Variants in AKAP12 observed in about 807,000 individuals in gnomAD.
AKAP12 encodes A-kinase anchor protein 12.
Under a neutral mutation model 79.9 loss-of-function variants are expected in AKAP12, and 32 were observed. That is an observed-to-expected ratio of 0.40 (90% confidence interval 0.30 to 0.54). AKAP12 has a LOEUF of 0.54. Among genes scored for constraint, AKAP12 ranks in the 20% least tolerant of loss-of-function variants. The pLI, the probability that AKAP12 is intolerant of heterozygous loss-of-function variation, is 0.48. For synonymous variants in AKAP12, 808 were observed against 857.0 expected (o/e 0.94, Z 1.00); for missense variants, 2,074 against 2,177.0 (o/e 0.95, Z 0.94).
chr6:151,349,014 G>T lies in AKAP12; in HGVS notation c.623G>T (p.Gly208Val). ...ACTGTGAAGAAAGATGAAGGGGAGGGAGCAGCAGGGGCTGGCGACCACAAG... is the reference window on the plus strand; with the variant it reads ...ACTGTGAAGAAAGATGAAGGGGAGGTAGCAGCAGGGGCTGGCGACCACAAG... ...LLTVKKDEGE[G>V]AAGAGDHKDP... The change falls in exon 4 of 5, where the codon GGA becomes GTA. Residue 208 changes from glycine to valine, a missense_variant. Gly to Val is a moderately radical substitution (Grantham distance 109). Coordinates refer to ENST00000402676, the MANE Select transcript of AKAP12 (RefSeq NM_005100.4). The T allele has an allele frequency of 6.2e-7, 1 of 1,607,226 alleles. No individual in the cohort carries two copies.
intron 3 of AKAP12, among the ~76,000 whole-genome samples, chr6:151,346,608 T>C (rs1778109568): frequency 6.6e-6 from 1 of 152,228 alleles, no homozygotes; most frequent in African/African-American, 2.4e-5. Flanking sequence ...CGCGATGGCA[T>C]CTGTCCCATT....
intron 4 of AKAP12, among the ~76,000 whole-genome samples, chr6:151,354,298 G>A (rs1023648264): frequency 4.2e-5 from 6 of 143,744 alleles, no homozygotes; most frequent in African/African-American, 1.7e-4. Flanking sequence ...ATTTTCCAGC[G>A]CATATAATGA....
chr6:151,276,344 T>C (rs1247582185), intron 2 of AKAP12, among the ~76,000 whole-genome samples: 5 of 152,242 alleles, frequency 3.3e-5, no homozygotes, highest in African/African-American at 9.6e-5. Context: ...GAGCCAGGAA[T>C]GAGTGGCAAA....
intron 3 of AKAP12, chr6:151,325,426 G>C: frequency 3.0e-6 from 3 of 985,434 alleles, no homozygotes; most frequent in Non-Finnish European, 3.6e-6. Context: ...TCGAACTCAT[G>C]CCCAGCACCC....
At chr6:151,291,904 T>G (rs1483905897) in intron 2 of AKAP12, among the ~76,000 whole-genome samples, 1 of 152,214 alleles carries the variant, frequency 6.6e-6, no homozygotes, top group Non-Finnish European at 1.5e-5. Flanking sequence ...TCCTTCCATG[T>G]GCAGTGCCTT....
In AKAP12 at chr6:151,350,317, C is replaced by G; in HGVS notation, c.1926C>G (p.Thr642=). 1 of 1,611,032 alleles carries G rather than the reference C, an allele frequency of 6.2e-7. No homozygotes were observed. Among genetic ancestry groups the G allele is most frequent in the Non-Finnish European group, 8.5e-7 (1 of 1,179,068 alleles). Residue 642 remains threonine (T), a synonymous_variant, in exon 4 of 5, where the codon ACC becomes ACG. Coordinates refer to ENST00000402676, the MANE Select transcript of AKAP12 (RefSeq NM_005100.4). The surrounding 1 kb of genome is among the most constrained non-coding windows in gnomAD (Gnocchi z 4.8). ...EDELDKVKSA[T]LSSTESTASE... The stretch of plus-strand genomic sequence containing the variant: ...AGCTGGACAAGGTCAAGAGCGCTAC[C>G]TTGTCTTCCACCGAGAGCACAGCCT...
chr6:151,282,050 C>T (rs1318269898), intron 2 of AKAP12, among the ~76,000 whole-genome samples: 1 of 151,744 alleles, frequency 6.6e-6, no homozygotes, highest in East Asian at 2.0e-4. Flanking sequence ...CTGTCCTCTT[C>T]CCCCTCCTGT....
chr6:151,273,777 C>G (rs1466771287), intron 2 of AKAP12, among the ~76,000 whole-genome samples: 1 of 152,124 alleles, frequency 6.6e-6, no homozygotes, highest in African/African-American at 2.4e-5. Flanking sequence ...CGCCTGTAAT[C>G]CCAGCACTTT....
intron 2 of AKAP12, among the ~76,000 whole-genome samples, chr6:151,289,620 A>C (rs1258198966): frequency 6.6e-6 from 1 of 152,228 alleles, no homozygotes; most frequent in African/African-American, 2.4e-5. Flanking sequence ...AAGATGTGCA[A>C]TATAACTGTT....
At chr6:151,305,939 C>T in intron 3 of AKAP12, 36 bp downstream of exon 3, 1 of 1,566,222 alleles carries the variant, frequency 6.4e-7, no homozygotes, top group Non-Finnish European at 8.7e-7. Flanking sequence ...AGGCACACAG[C>T]ACTTGCAACA....
intron 2 of AKAP12, among the ~76,000 whole-genome samples, chr6:151,253,187 T>A (rs999119390): frequency 4.6e-5 from 7 of 152,290 alleles, no homozygotes; most frequent in African/African-American, 1.2e-4. Context: ...TTTTCTTCAC[T>A]CTGTAAAGTA....
At chr6:151,265,963 T>C (rs1311639446) in intron 2 of AKAP12, among the ~76,000 whole-genome samples, 1 of 152,242 alleles carries the variant, frequency 6.6e-6, no homozygotes, top group African/African-American at 2.4e-5. Context: ...TTCAGGTTCC[T>C]GGACTCCAGG....
chr6:151,277,221 A>C (rs554031657), intron 2 of AKAP12, among the ~76,000 whole-genome samples: 10 of 152,318 alleles, frequency 6.6e-5, no homozygotes, highest in African/African-American at 2.4e-4. Context: ...ATGGCTATTA[A>C]TTAATGAGGT....
chr6:151,263,546 C>T (rs1797481184), intron 2 of AKAP12, among the ~76,000 whole-genome samples: 1 of 152,012 alleles, frequency 6.6e-6, no homozygotes, highest in African/African-American at 2.4e-5. Flanking sequence ...TTCATTTTTA[C>T]TCACTATACT....
chr6:151,268,151 G>A (rs1422942112), intron 2 of AKAP12, among the ~76,000 whole-genome samples: 1 of 152,208 alleles, frequency 6.6e-6, no homozygotes, highest in African/African-American at 2.4e-5. Flanking sequence ...GGTGGCTCAT[G>A]CCTGTAATCC....
intron 3 of AKAP12, among the ~76,000 whole-genome samples, chr6:151,338,423 T>G (rs1777868170): frequency 6.6e-6 from 1 of 151,842 alleles, no homozygotes; most frequent in African/African-American, 2.4e-5. Flanking sequence ...TTGATGTTTC[T>G]TTTGCCTATA....
chr6:151,349,042 C>T lies in AKAP12; in HGVS notation c.651C>T (p.Asp217=), dbSNP rs756412268. ...CAGCAGGGGCTGGCGACCACAAGGACCCCAGCCTTGGGGCTGGAGAAGCAG... is the reference window on the plus strand; with the variant it reads ...CAGCAGGGGCTGGCGACCACAAGGATCCCAGCCTTGGGGCTGGAGAAGCAG... ...EGAAGAGDHK[D]PSLGAGEAAS... is the part of the protein sequence containing the mutation. Residue 217 remains aspartate (D), a synonymous_variant, in exon 4 of 5, where the codon GAC becomes GAT. Transcript: ENST00000402676. 2 of 1,613,234 alleles carry T rather than the reference C, an allele frequency of 1.2e-6. No individual in the cohort carries two copies. Among genetic ancestry groups the T allele is most frequent in the East Asian group, 2.2e-5 (1 of 44,854 alleles).
At chr6:151,343,312 A>G (rs1416452806) in intron 3 of AKAP12, among the ~76,000 whole-genome samples, 2 of 152,170 alleles carry the variant, frequency 1.3e-5, no homozygotes, top group Non-Finnish European at 2.9e-5. Context: ...TTTTAATCAC[A>G]TGCTTGCTGG....
chr6:151,320,294 G>GT (rs890983780), intron 3 of AKAP12, among the ~76,000 whole-genome samples: 2 of 151,618 alleles, frequency 1.3e-5, no homozygotes, highest in Non-Finnish European at 2.9e-5. Flanking sequence ...TTTTGTTTTT[G>GT]TTTTTTATAG....
Sources: allele counts gnomAD v4.1 joint callset (sites outside exome capture counted in the v4.1 genomes callset), GRCh38; gene constraint gnomAD v4.1.1; non-coding constraint Gnocchi (gnomAD v3.1); transcripts MANE v1.5; gene names NCBI Gene and HGNC (gene_info 2026-07-23, HGNC 2026-07-21).